The following DLGAP2 variants were observed in gnomAD, a reference collection of about 807,000 sequenced individuals.
DLGAP2 encodes the protein DLG associated protein 2, also known as disks large-associated protein 2.
Under a neutral mutation model 100.3 loss-of-function variants are expected in DLGAP2, and 26 were observed. The observed-to-expected ratio is 0.26, with a 90% confidence interval of 0.19 to 0.36. The LOEUF is 0.36. Among genes scored for constraint, DLGAP2 ranks in the 10% least tolerant of loss-of-function variants. The probability of loss-of-function intolerance (pLI) is 1.00; values close to 1 mark genes in which losing one functional copy is unlikely to be tolerated. For missense variants in DLGAP2, 1,858 were observed against 1,453.2 expected (o/e 1.28, Z -4.53); for synonymous variants, 886 against 630.1 (o/e 1.41, Z -6.08).
At chr8:1,228,732 A>T (rs2116829018) in intron 2 of DLGAP2, among the ~76,000 whole-genome samples, 1 of 152,364 alleles carries the variant, frequency 6.6e-6, no homozygotes, top group South Asian at 2.1e-4. Context: ...GACAAAATTC[A>T]ACACCTCTTC....
chr8:1,183,679 C>T (rs1222696377), intron 2 of DLGAP2, among the ~76,000 whole-genome samples: 3 of 152,176 alleles, frequency 2.0e-5, no homozygotes, highest in Non-Finnish European at 4.4e-5. Flanking sequence ...GGAGACAGGG[C>T]AGAGAAGGCT....
At chr8:1,111,279 A>C (rs1804948354) in intron 2 of DLGAP2, among the ~76,000 whole-genome samples, 1 of 152,156 alleles carries the variant, frequency 6.6e-6, no homozygotes, top group African/African-American at 2.4e-5. Context: ...GTCTTCCCTC[A>C]GCTCCCGGAA....
At chr8:989,831 T>G (rs1368300837) in intron 2 of DLGAP2, among the ~76,000 whole-genome samples, 2 of 152,162 alleles carry the variant, frequency 1.3e-5, no homozygotes, top group African/African-American at 4.8e-5. Flanking sequence ...CTATGTGGCT[T>G]TGGAGGAAGT....
chr8:1,446,111 C>G (rs560027033), intron 3 of DLGAP2, among the ~76,000 whole-genome samples: 44 of 152,024 alleles, frequency 2.9e-4, no homozygotes, highest in Non-Finnish European at 5.7e-4. Context: ...TCCCATTTGT[C>G]AATTTTGGCT....
At chr8:1,328,279 A>T (rs1468306201) in intron 3 of DLGAP2, among the ~76,000 whole-genome samples, 2 of 148,210 alleles carry the variant, frequency 1.3e-5, no homozygotes, top group Non-Finnish European at 1.5e-5. Context: ...TGACCTCGTG[A>T]TCCACCCACT....
At chr8:1,342,241 C>G (rs1441882055) in intron 3 of DLGAP2, among the ~76,000 whole-genome samples, 8 of 152,254 alleles carry the variant, frequency 5.3e-5, no homozygotes, top group Non-Finnish European at 1.0e-4. Flanking sequence ...GCCACCGCAC[C>G]TGGCCAGGTT....
intron 3 of DLGAP2, among the ~76,000 whole-genome samples, chr8:1,483,661 A>G (rs563303219): frequency 8.7e-5 from 1 of 11,558 alleles, no homozygotes; most frequent in East Asian, 2.1e-3. Flanking sequence ...GCGTCTACAC[A>G]GAGCAGGGAG....
chr8:1,423,741 G>T (rs540301718), intron 3 of DLGAP2, among the ~76,000 whole-genome samples: 1 of 152,306 alleles, frequency 6.6e-6, no homozygotes, highest in South Asian at 2.1e-4. Flanking sequence ...GAGAGAGGCG[G>T]GTGGGGAAGA....
At chr8:1,297,465 C>G (rs527478324) in intron 3 of DLGAP2, among the ~76,000 whole-genome samples, 1 of 151,834 alleles carries the variant, frequency 6.6e-6, no homozygotes, top group African/African-American at 2.4e-5. Flanking sequence ...AGGTGGCATG[C>G]GTGAACAGAC....
intron 2 of DLGAP2, among the ~76,000 whole-genome samples, chr8:1,126,659 C>T (rs73526545): frequency 0.015 from 2,222 of 151,944 alleles, 55 homozygotes; most frequent in African/African-American, 0.051. Context: ...CCGCTGTGGG[C>T]GGTGCTCTGC....
chr8:1,408,089 C>T (rs1224977857), intron 3 of DLGAP2, among the ~76,000 whole-genome samples: 2 of 152,256 alleles, frequency 1.3e-5, no homozygotes, highest in Non-Finnish European at 2.9e-5. Flanking sequence ...ATAGAATCGT[C>T]TCCTGAGAAC....
chr8:1,366,465 T>C (rs936306869), intron 3 of DLGAP2, among the ~76,000 whole-genome samples: 8 of 151,836 alleles, frequency 5.3e-5, no homozygotes, highest in Non-Finnish European at 1.0e-4. Flanking sequence ...CCATCTGAAG[T>C]GGGGGGCAGC....
At chr8:1,555,362 C>G (rs983290321) in intron 5 of DLGAP2, among the ~76,000 whole-genome samples, 1 of 152,152 alleles carries the variant, frequency 6.6e-6, no homozygotes, top group African/African-American at 2.4e-5. Context: ...CGTGTGCCTG[C>G]CCCCCACACT....
intron 3 of DLGAP2, among the ~76,000 whole-genome samples, chr8:1,314,109 A>G (rs1011833863): frequency 6.6e-6 from 1 of 152,230 alleles, no homozygotes; most frequent in Non-Finnish European, 1.5e-5. Context: ...TATGTGAAAT[A>G]TTGGTTTCAA....
At chr8:1,700,697 A>G (rs934445175) in intron 14 of DLGAP2, among the ~76,000 whole-genome samples, 1 of 152,202 alleles carries the variant, frequency 6.6e-6, no homozygotes, top group Non-Finnish European at 1.5e-5. Context: ...GAATCGGGCC[A>G]GTGTTTCCCC....
intron 3 of DLGAP2, among the ~76,000 whole-genome samples, chr8:1,475,727 G>T (rs570048609): frequency 1.3e-5 from 2 of 152,308 alleles, no homozygotes; most frequent in South Asian, 2.1e-4. Context: ...GCACCTGCCG[G>T]CTTGGGGAGC....
At chr8:1,456,544 A>G (rs1798317815) in intron 3 of DLGAP2, among the ~76,000 whole-genome samples, 1 of 152,230 alleles carries the variant, frequency 6.6e-6, no homozygotes, top group Admixed American at 6.5e-5. Context: ...ATTTCATAGT[A>G]AAAACTGGTT....
intron 3 of DLGAP2, among the ~76,000 whole-genome samples, chr8:1,282,732 A>G (rs1799841784): frequency 7.5e-6 from 1 of 132,550 alleles, no homozygotes; most frequent in African/African-American, 2.7e-5. Context: ...GCCCTGAACC[A>G]TCTGGACGTG....
intron 2 of DLGAP2, among the ~76,000 whole-genome samples, chr8:1,176,301 T>TC (rs1484537232): frequency 1.3e-5 from 2 of 152,112 alleles, no homozygotes; most frequent in African/African-American, 4.8e-5. Flanking sequence ...GTCCCTGTGA[T>TC]CCAGACACTT....
Sources: gnomAD v4.1 joint callset for allele counts (sites outside exome capture counted in the v4.1 genomes callset) on GRCh38, gnomAD v4.1.1 for gene constraint, MANE v1.5 for transcripts, NCBI Gene and HGNC (gene_info 2026-07-23, HGNC 2026-07-21) for gene names.